The following GOLGA8S variants were observed in gnomAD, a reference collection of about 807,000 sequenced individuals.
GOLGA8S encodes golgin subfamily A member 8S.
Under a neutral mutation model 58.9 loss-of-function variants are expected in GOLGA8S, and 23 were observed. That is an observed-to-expected ratio of 0.39 (90% CI 0.28 to 0.55). The LOEUF (loss-of-function observed/expected upper bound fraction) is 0.55. Ranked by LOEUF, GOLGA8S falls within the 20% of genes least tolerant of loss-of-function variation. The pLI, the probability that GOLGA8S is intolerant of heterozygous loss-of-function variation, is 0.63. For synonymous variants in GOLGA8S, 84 were observed against 195.7 expected (o/e 0.43, Z 4.76); for missense variants, 266 against 514.2 (o/e 0.52, Z 4.67).
rs1323365104 is a variant in GOLGA8S at position 23,364,525 on chromosome 15, G to T, written c.1449-1G>T. 1 of 1,602,566 alleles carries T rather than the reference G, an allele frequency of 6.2e-7. No individual in the cohort carries two copies. The highest frequency in any genetic ancestry group is 2.2e-5 in the East Asian group (1 of 44,824). On this transcript the variant is annotated splice_acceptor_variant, in intron 16 of 18. Transcript: ENST00000562295. LOFTEE classifies it high-confidence loss of function. ...AGCGTCTGAGCCCTGTCCTCCCGCA[G>T]GAAAATCCATCACCTTTTATCAGAA...
chr15:23,360,764 T>A lies in GOLGA8S; in HGVS notation c.823T>A (p.Tyr275Asn), dbSNP rs761804530. ...GAAGAAGGAGAAGAAGCATGATAAA[T>A]ATCGGGTAGAGACGCTGGAGAGGAG... The change falls in exon 11 of 19, where the codon TAT becomes AAT. Residue 275 changes from tyrosine to asparagine, a missense_variant. Tyr to Asn is a moderately radical substitution (Grantham distance 143). This residue lies in a region of GOLGA8S where 114 missense variants were observed against 120.7 expected (regional missense o/e 0.94). Coordinates refer to ENST00000562295, the Ensembl canonical transcript of GOLGA8S. 4.0e-5 allele frequency: 54 copies of A among 1,352,740 alleles called. 6 individuals are homozygous for A. In the South Asian group the frequency reaches 6.1e-4, roughly 15 times the overall value. 83.8% of individuals were successfully genotyped at this position (1,352,740 alleles called of 1,614,324 possible).
In GOLGA8S at chr15:23,364,546, C is replaced by G. The variant is rs1451498444; in HGVS notation, c.1469C>G (p.Ser490Ter). Residue 490 changes from serine to a stop codon, truncating the protein, a stop_gained, in exon 17 of 19, where the codon TCA becomes TGA. Transcript: ENST00000562295. LOFTEE classifies it high-confidence loss of function. ...CGCAGGAAAATCCATCACCTTTTAT[C>G]AGAACCAGGGGGCCGTGCCAAAGAT... 1 of 1,597,778 alleles carries G rather than the reference C, an allele frequency of 6.3e-7. No individual in the cohort carries two copies. The highest frequency in any genetic ancestry group is 1.3e-5 in the African/African-American group (1 of 74,482).
chr15:23,362,807 T>C (rs648495), intron 13 of GOLGA8S, among the ~76,000 whole-genome samples: 68 of 142,200 alleles, frequency 4.8e-4, no homozygotes, highest in African/African-American at 1.4e-3. Context: ...CCAGCCACCA[T>C]GTGCCCTCAC....
At position 23,363,529 on chromosome 15, in the gene GOLGA8S, C is replaced by A. The variant is rs534415888; in HGVS notation, c.1256-149C>A. 178 of 345,638 alleles carry A rather than the reference C, an allele frequency of 5.1e-4. 12 individuals are homozygous for A. The highest frequency in any genetic ancestry group is 2.4e-3 in the African/African-American group (83 of 35,120). The allele number at this position is 345,638 out of a possible 1,614,324, so 21.4% of individuals were successfully genotyped here. ...GCAGTATAGCAAGATCTTGGTTCTTCAAAGTAAAAATAAATAACAGCAGCT... is the reference window on the plus strand; with the variant it reads ...GCAGTATAGCAAGATCTTGGTTCTTAAAAGTAAAAATAAATAACAGCAGCT... On this transcript the variant is annotated intron_variant, in intron 14 of 18. Coordinates refer to ENST00000562295, the Ensembl canonical transcript of GOLGA8S.
chr15:23,361,384 G>T, exon 12 of GOLGA8S: 1 of 849,802 alleles, frequency 1.2e-6, no homozygotes, highest in Non-Finnish European at 1.7e-6. Flanking sequence ...TTCGGGAGCA[G>T]CAGGAGAGGC....
At chr15:23,368,489 A>C (rs1317189282), downstream of GOLGA8S, among the ~76,000 whole-genome samples, 2 of 151,872 alleles carry the variant, frequency 1.3e-5, no homozygotes, top group Non-Finnish European at 2.9e-5. Flanking sequence ...AAAATAAAAA[A>C]GTTATGGGTT....
chr15:23,360,934 C>G (rs946891846), intron 11 of GOLGA8S, 119 bp downstream of exon 11: 37 of 768,332 alleles, frequency 4.8e-5, no homozygotes, highest in Non-Finnish European at 7.7e-5. Context: ...GGAAAGAGGT[C>G]TGTGCCAGGA....
chr15:23,362,645 A>G (rs2141027541), intron 13 of GOLGA8S, among the ~76,000 whole-genome samples: 1 of 140,250 alleles, frequency 7.1e-6, no homozygotes, highest in Admixed American at 7.1e-5. Flanking sequence ...TGGTGGGAAG[A>G]GGACATGAGA....
intron 1 of GOLGA8S, among the ~76,000 whole-genome samples, chr15:23,356,285 T>C (rs527723569): frequency 1.3e-3 from 189 of 144,594 alleles, no homozygotes; most frequent in Non-Finnish European, 2.3e-3. Context: ...CTACTTAATG[T>C]TTACTTTTCT....
chr15:23,356,956 ATTG>A (rs1487135524), intron 2 of GOLGA8S, among the ~76,000 whole-genome samples: 13 of 50,910 alleles, frequency 2.6e-4, no homozygotes, highest in Non-Finnish European at 1.3e-4. Flanking sequence ...GAGATTTGTT[ATTG>A]TTGTTTTTAT....
rs759271801 is a variant in GOLGA8S at position 23,363,754 on chromosome 15, GAGCA to G, written c.1333_1336del (p.Ser445GlyfsTer4). The G allele has an allele frequency of 1.7e-6, 1 of 583,604 alleles. No individual in the cohort carries two copies. The highest frequency in any genetic ancestry group is 2.8e-6 in the Non-Finnish European group (1 of 363,274). 36.2% of individuals were successfully genotyped at this position (583,604 alleles called of 1,614,324 possible). Reference sequence around the variant, plus strand: ...TTCCTAGCATCCCACAGGACCTGGAGAGCAGGGAGGCCATGGTGAGCCTGACTCC... The same window carrying G: ...TTCCTAGCATCCCACAGGACCTGGAGGGGAGGCCATGGTGAGCCTGACTCC... On this transcript the variant is annotated frameshift_variant, in exon 15 of 19. Transcript: ENST00000562295. LOFTEE classifies it high-confidence loss of function.
rs531375291 is a variant in GOLGA8S at position 23,355,078 on chromosome 15, C to G, written c.48+185C>G. 2.8e-3 allele frequency among the ~76,000 whole-genome samples: 211 copies of G among 76,324 alleles called. 45 individuals carry two copies. Among genetic ancestry groups the G allele is most frequent in the Admixed American group, 7.3e-3 (63 of 8,638 alleles). The allele number at this position is 76,324 out of a possible 152,430, so 50.1% of individuals were successfully genotyped here. On this transcript the variant is annotated intron_variant, in intron 1 of 18. Coordinates refer to ENST00000562295, the Ensembl canonical transcript of GOLGA8S. ...ACCCCTTCAGCAAGCAGCCCAGTCTCTGCCCTCACCAATCACCCCAGGGTG... is the reference window on the plus strand; with the variant it reads ...ACCCCTTCAGCAAGCAGCCCAGTCTGTGCCCTCACCAATCACCCCAGGGTG...
chr15:23,356,273 G>T (rs1356199083), intron 1 of GOLGA8S, among the ~76,000 whole-genome samples: 3 of 144,818 alleles, frequency 2.1e-5, no homozygotes, highest in Admixed American at 7.2e-5. Flanking sequence ...TACAGTTCCT[G>T]CCTACTTAAT....
At chr15:23,356,193 G>A (rs1192840277) in intron 1 of GOLGA8S, among the ~76,000 whole-genome samples, 1 of 145,162 alleles carries the variant, frequency 6.9e-6, no homozygotes, top group Non-Finnish European at 1.6e-5. Flanking sequence ...TGATATAAGA[G>A]TTTGAGAGGT....
rs1252296273 is a variant in GOLGA8S at position 23,364,088 on chromosome 15, G to T, written c.1348-255G>T. 2.9e-5 allele frequency among the ~76,000 whole-genome samples: 4 copies of T among 136,024 alleles called. 1 individual carries two copies. The highest frequency in any genetic ancestry group is 1.0e-4 in the African/African-American group (4 of 38,598). 89.2% of individuals were successfully genotyped at this position (136,024 alleles called of 152,430 possible). The stretch of plus-strand genomic sequence containing the variant: ...GAAGCAGGCACAGTTACAAGAGCAG[G>T]TGAAAGAGCAGAGGGTGGCTGCCAG... On this transcript the variant is annotated intron_variant, in intron 15 of 18. Transcript: ENST00000562295.
chr15:23,361,381 G>T (rs140781714), exon 12 of GOLGA8S: 2 of 873,076 alleles, frequency 2.3e-6, no homozygotes, highest in South Asian at 3.3e-5. Flanking sequence ...GGCTTCGGGA[G>T]CAGCAGGAGA....
intron 4 of GOLGA8S, among the ~76,000 whole-genome samples, chr15:23,357,983 T>C (rs2069714818): frequency 6.7e-6 from 1 of 149,874 alleles, no homozygotes; most frequent in South Asian, 2.2e-4. Context: ...TTTGGGCTCA[T>C]GTTTCCATGA....
intron 1 of GOLGA8S, among the ~76,000 whole-genome samples, chr15:23,356,007 AG>A (rs1307724767): frequency 7.6e-6 from 1 of 131,688 alleles, no homozygotes; most frequent in African/African-American, 2.6e-5. Flanking sequence ...CTGAAGCATC[AG>A]TTTCCATTGA....
downstream of GOLGA8S, chr15:23,365,228 A>G (rs1393192477): frequency 8.3e-7 from 1 of 1,199,464 alleles, no homozygotes; most frequent in African/African-American, 1.5e-5. Flanking sequence ...ACTTCCTTTG[A>G]ATGTTAGAGT....
Sources: allele counts gnomAD v4.1 joint callset (sites outside exome capture counted in the v4.1 genomes callset), GRCh38; gene constraint gnomAD v4.1.1; regional missense constraint gnomAD v4.1.1; transcripts MANE v1.5; gene names NCBI Gene and HGNC (gene_info 2026-07-23, HGNC 2026-07-21).